Variants in TNRC18 observed in about 807,000 individuals in gnomAD.
The protein encoded by TNRC18 is trinucleotide repeat containing 18, also known as trinucleotide repeat-containing gene 18 protein.
Under a neutral mutation model 226.7 loss-of-function variants are expected in TNRC18, and 69 were observed. The observed-to-expected ratio is 0.30, with a 90% CI of 0.25 to 0.37. The LOEUF (loss-of-function observed/expected upper bound fraction) is 0.37, where lower values mean the gene tolerates loss of function less well. Among genes scored for constraint, TNRC18 ranks in the 10% least tolerant of loss-of-function variants. TNRC18 has a pLI of 1.00. For missense variants in TNRC18, 4,754 were observed against 4,256.6 expected, an observed-to-expected ratio of 1.12 and a Z score of -3.25; for synonymous variants, 2,449 against 1,927.6, an observed-to-expected ratio of 1.27 and a Z score of -7.09.
intron 18 of TNRC18, among the ~76,000 whole-genome samples, chr7:5,339,866 G>A (rs578246636): frequency 1.3e-5 from 2 of 151,802 alleles, no homozygotes; most frequent in East Asian, 1.9e-4. Flanking sequence ...CACCACACCC[G>A]GCTGTATGTT....
At chr7:5,362,233 A>C (rs1793130108) in intron 12 of TNRC18, among the ~76,000 whole-genome samples, 200 bp from the exon 13 acceptor site, 1 of 152,174 alleles carries the variant, frequency 6.6e-6, no homozygotes, top group South Asian at 2.1e-4. Context: ...GGGCTGTGGC[A>C]GTGCTCAATT....
chr7:5,349,364 G>A (rs1325930985), intron 17 of TNRC18, among the ~76,000 whole-genome samples: 5 of 152,198 alleles, frequency 3.3e-5, no homozygotes, highest in African/African-American at 1.2e-4. Context: ...TGGGGACAGG[G>A]AGGGGGGAAA....
Position 5,389,324 on chromosome 7 carries a change from A to T in TNRC18, c.500T>A (p.Leu167Gln). 6 of 1,279,522 alleles carry T rather than the reference A, an allele frequency of 4.7e-6. No homozygotes were observed. The highest frequency in any genetic ancestry group is 5.9e-6 in the Non-Finnish European group (6 of 1,013,272). 79.3% of individuals were successfully genotyped at this position (1,279,522 alleles called of 1,614,324 possible). The change falls in exon 5 of 30, where the codon CTG becomes CAG. Residue 167 changes from leucine to glutamine, a missense_variant. Physicochemically the swap from Leu to Gln is moderately radical, Grantham distance 113. Coordinates refer to ENST00000430969, the MANE Select transcript of TNRC18 (RefSeq NM_001080495.3). ...GGAGCCCGGAGCCCCCGCGGTGGGC[A>T]GGTAGAAACCGTCTGCGGAGAAGGG... ...GQGPGGDGFY[L>Q]PTAGAPGSLH... is the part of the protein sequence containing the mutation.
Position 5,356,966 on chromosome 7 carries a change from G to C in TNRC18, c.5144C>G (p.Pro1715Arg). 2 of 1,551,984 alleles carry C rather than the reference G, an allele frequency of 1.3e-6. No homozygotes were observed. The highest frequency in any genetic ancestry group is 1.4e-5 in the African/African-American group (1 of 73,178). Residue 1715 changes from proline to arginine, a missense_variant, in exon 16 of 30, where the codon CCC (proline) becomes CGC (arginine). Pro to Arg is a moderately radical substitution (Grantham distance 103). Coordinates refer to ENST00000430969, the MANE Select transcript of TNRC18 (RefSeq NM_001080495.3). ...GGCAAACGGGGAATGGGCCGACTTG[G>C]GCTGGCCTCTGGCCTTGAACCCCAC... is the stretch of plus-strand genomic sequence containing the variant. The part of the protein sequence containing the change: ...MEVGFKARGQ[P>R]KSAHSPFASE...
intron 5 of TNRC18, among the ~76,000 whole-genome samples, chr7:5,384,831 G>A (rs1408555055): frequency 1.3e-5 from 2 of 152,188 alleles, no homozygotes; most frequent in Admixed American, 1.3e-4. Context: ...TCAGAGTGTA[G>A]CGGGGCTTCC....
At chr7:5,356,059 G>C (rs1792336212) in intron 16 of TNRC18, among the ~76,000 whole-genome samples, 1 of 151,894 alleles carries the variant, frequency 6.6e-6, no homozygotes, top group Admixed American at 6.6e-5. Flanking sequence ...AGTTACTCGG[G>C]AGGCAGAGCC....
chr7:5,405,264 C>T (rs1029521948), intron 2 of TNRC18, among the ~76,000 whole-genome samples: 2 of 152,080 alleles, frequency 1.3e-5, no homozygotes, highest in Non-Finnish European at 2.9e-5. Context: ...CCTGTCTCTA[C>T]TAAAAATACA....
chr7:5,314,560 CTTCT>C (rs1787646596), intron 26 of TNRC18, among the ~76,000 whole-genome samples: 3 of 111,350 alleles, frequency 2.7e-5, no homozygotes, highest in Non-Finnish European at 3.7e-5. Context: ...GCAGAGTTCT[CTTCT>C]TTTTTTTTTT....
Position 5,361,712 on chromosome 7 carries a change from C to T in TNRC18, c.4543G>A (p.Glu1515Lys), listed in dbSNP as rs1428554609. ...CGTGCCAAGCTTCTATGGGGTTCCT[C>T]GCGCCTGTCCCTTAAAAAGAATCAC... ...QRRRDSEDRREEPHRSLARRG... is the reference protein window; with the variant it reads ...QRRRDSEDRRKEPHRSLARRG... Residue 1515 changes from glutamate (E) to lysine (K), a missense_variant, in exon 14 of 30, where the codon GAG becomes AAG. Glu to Lys is a moderately conservative substitution (Grantham distance 56). Transcript: ENST00000430969. The T allele has an allele frequency of 2.4e-5, 37 of 1,565,596 alleles. No homozygotes were observed. Among genetic ancestry groups the T allele is most frequent in the African/African-American group, 1.1e-4 (8 of 73,326 alleles).
At chr7:5,330,005 G>A (rs1337639824) in intron 19 of TNRC18, 2 of 470,978 alleles carry the variant, frequency 4.2e-6, no homozygotes, top group Admixed American at 2.4e-5. Flanking sequence ...ACAAATGGAG[G>A]CTCAGACACC....
chr7:5,351,950 C>G lies in TNRC18; in HGVS notation c.5339G>C (p.Arg1780Thr), dbSNP rs373307130. 1.2e-6 allele frequency: 2 copies of G among 1,613,920 alleles called. No individual in the cohort carries two copies. Among genetic ancestry groups the G allele is most frequent in the African/African-American group, 2.7e-5 (2 of 75,048 alleles). ...KAAGGPKLTK[R>T]GLAAPRTLKP... is the part of the protein sequence containing the mutation. Reference sequence around the variant, plus strand: ...CAGAGTCCGGGGGGCCGCCAGGCCCCTCTTGGTCAGCTTGGGGCCACCAGC... The same window carrying G: ...CAGAGTCCGGGGGGCCGCCAGGCCCGTCTTGGTCAGCTTGGGGCCACCAGC... The change falls in exon 17 of 30, where the codon AGG becomes ACG. Residue 1780 changes from arginine to threonine, a missense_variant. Transcript: ENST00000430969.
chr7:5,401,968 G>C (rs1460081764), intron 2 of TNRC18, among the ~76,000 whole-genome samples: 1 of 152,028 alleles, frequency 6.6e-6, no homozygotes, highest in Non-Finnish European at 1.5e-5. Context: ...AAGGTCAGCA[G>C]ATCAAGACCA....
intron 11 of TNRC18, among the ~76,000 whole-genome samples, chr7:5,368,959 C>A (rs191112261): frequency 3.5e-4 from 54 of 152,186 alleles, no homozygotes; most frequent in African/African-American, 1.3e-3. Flanking sequence ...TACCCTCCCC[C>A]TTCCCTACAC....
Position 5,388,832 on chromosome 7 carries a change from C to T in TNRC18, c.992G>A (p.Cys331Tyr). ...GGGCGGCGGGGGCAGCGGTGAGGGG[C>T]AGGGGCGCGGCCCAGGGAGCAGGGT... is the stretch of plus-strand genomic sequence containing the variant. ...TETLLPGPRP[C>Y]PSPLPPPPAP... Residue 331 changes from cysteine (C) to tyrosine (Y), a missense_variant, in exon 5 of 30, where the codon TGC (cysteine) becomes TAC (tyrosine). Transcript: ENST00000430969. 1 of 1,203,340 alleles carries T rather than the reference C, an allele frequency of 8.3e-7. No individual in the cohort carries two copies. Among genetic ancestry groups the T allele is most frequent in the South Asian group, 2.6e-5 (1 of 39,072 alleles). 74.5% of individuals were successfully genotyped at this position (1,203,340 alleles called of 1,614,324 possible). A position where few individuals can be genotyped will look rare whatever the true frequency, so the allele number is the denominator to read the frequency against.
intron 8 of TNRC18, 120 bp downstream of exon 8, chr7:5,376,727 G>A (rs560782956): frequency 9.2e-5 from 115 of 1,245,002 alleles, no homozygotes; most frequent in East Asian, 6.7e-4. Context: ...ACCCCGGTCC[G>A]CCTCCCCAGC....
intron 2 of TNRC18, among the ~76,000 whole-genome samples, chr7:5,398,658 C>A (rs936060197): frequency 2.7e-5 from 4 of 150,176 alleles, no homozygotes; most frequent in African/African-American, 9.8e-5. Context: ...TCTCTGTTCA[C>A]CCAGGCTGTA....
At chr7:5,314,916 A>G in intron 26 of TNRC18, 68 bp downstream of exon 26, 1 of 1,494,146 alleles carries the variant, frequency 6.7e-7, no homozygotes, top group Non-Finnish European at 9.0e-7. Flanking sequence ...GCAGGTTCCC[A>G]AGCCCTGAGT....
At chr7:5,339,448 C>G (rs1562513970) in intron 18 of TNRC18, among the ~76,000 whole-genome samples, 2 of 152,068 alleles carry the variant, frequency 1.3e-5, no homozygotes, top group Non-Finnish European at 2.9e-5. Context: ...CCATGTTGGC[C>G]AGGCTGGTCT....
intron 14 of TNRC18, 141 bp downstream of exon 14, chr7:5,361,453 C>G: frequency 9.4e-7 from 1 of 1,068,314 alleles, no homozygotes; most frequent in Non-Finnish European, 1.3e-6. Flanking sequence ...GGCCGTGCTC[C>G]CCGAGGGCCA....
Sources: gnomAD v4.1 joint callset for allele counts (sites outside exome capture counted in the v4.1 genomes callset) on GRCh38, gnomAD v4.1.1 for gene constraint, MANE v1.5 for transcripts, NCBI Gene and HGNC (gene_info 2026-07-23, HGNC 2026-07-21) for gene names.